SOX5: variants seen among roughly 807,000 people sequenced by gnomAD.
SOX5 encodes transcription factor SOX-5.
SOX5 carries 9 observed loss-of-function variants against 92.0 expected under a neutral mutation model. The ratio of observed to expected loss-of-function variants is 0.10; its 90% CI spans 0.06 to 0.17. The LOEUF (loss-of-function observed/expected upper bound fraction) is 0.17. Ranked by LOEUF, SOX5 falls within the 10% of genes least tolerant of loss-of-function variation. SOX5 has a pLI of 1.00. For missense variants in SOX5, 642 were observed against 944.5 expected (o/e 0.68, Z 4.20); for synonymous variants, 344 against 336.3 (o/e 1.02, Z -0.25).
chr12:24,006,564 C>G (rs1038588474), intron 4 of SOX5, among the ~76,000 whole-genome samples: 3 of 152,072 alleles, frequency 2.0e-5, no homozygotes, highest in Non-Finnish European at 4.4e-5. Flanking sequence ...TCCCTGTGTT[C>G]TGTGCCTGGA....
At chr12:24,430,564 T>C (rs1938104306) in intron 1 of SOX5, among the ~76,000 whole-genome samples, 1 of 152,108 alleles carries the variant, frequency 6.6e-6, no homozygotes, top group Non-Finnish European at 1.5e-5. Context: ...ATAAATGTAG[T>C]TATGATCTTT....
chr12:24,051,600 T>C (rs1818288364), intron 4 of SOX5, among the ~76,000 whole-genome samples: 1 of 152,010 alleles, frequency 6.6e-6, no homozygotes, highest in Admixed American at 6.6e-5. Context: ...ACAGAAAAAA[T>C]CCACAAGAAA....
chr12:23,623,892 T>TCATAA (rs2077461631), intron 8 of SOX5, among the ~76,000 whole-genome samples: 1 of 152,184 alleles, frequency 6.6e-6, no homozygotes, highest in Admixed American at 6.6e-5. Context: ...TATCCAATAT[T>TCATAA]CATAACAGCA....
chr12:24,025,502 A>T (rs938855253), intron 4 of SOX5, among the ~76,000 whole-genome samples: 1 of 152,032 alleles, frequency 6.6e-6, no homozygotes, highest in Non-Finnish European at 1.5e-5. Flanking sequence ...TTTCCCAAAG[A>T]AAATATTATT....
chr12:24,542,195 C>T (rs1330095479), intron 1 of SOX5, among the ~76,000 whole-genome samples: 2 of 152,184 alleles, frequency 1.3e-5, no homozygotes, highest in Non-Finnish European at 2.9e-5. Flanking sequence ...GTGCCCTGGC[C>T]ACACTGCTCT....
chr12:24,158,867 T>C (rs1177336783), intron 4 of SOX5, among the ~76,000 whole-genome samples: 4 of 151,914 alleles, frequency 2.6e-5, no homozygotes, highest in Non-Finnish European at 5.9e-5. Context: ...ACATACTTGG[T>C]TAACATTTGG....
intron 3 of SOX5, among the ~76,000 whole-genome samples, chr12:23,764,056 C>G (rs2094638270): frequency 6.6e-6 from 1 of 151,828 alleles, no homozygotes; most frequent in Admixed American, 6.6e-5. Flanking sequence ...CTATTAGTTA[C>G]AATGAGAAGG....
chr12:24,342,637 C>A (rs1156704435), intron 2 of SOX5, among the ~76,000 whole-genome samples: 1 of 152,154 alleles, frequency 6.6e-6, no homozygotes, highest in African/African-American at 2.4e-5. Context: ...ATCTATTCCT[C>A]CTGCCATTGC....
chr12:23,705,654 C>T (rs553052753), intron 6 of SOX5, among the ~76,000 whole-genome samples: 1 of 152,118 alleles, frequency 6.6e-6, no homozygotes, highest in South Asian at 2.1e-4. Context: ...TTGGGTGGTA[C>T]CCTTTACAAA....
At chr12:23,707,292 T>C (rs896568999) in intron 6 of SOX5, among the ~76,000 whole-genome samples, 4 of 152,132 alleles carry the variant, frequency 2.6e-5, no homozygotes, top group Admixed American at 6.6e-5. Flanking sequence ...CGTTAGCAGG[T>C]AGCAACATCA....
intron 11 of SOX5, among the ~76,000 whole-genome samples, chr12:23,552,398 G>GTTTAACTTA (rs1944374733): frequency 1.3e-5 from 2 of 151,608 alleles, no homozygotes; most frequent in Admixed American, 6.6e-5. Context: ...ATAATTGCTT[G>GTTTAACTTA]GACTTAACTT....
chr12:23,615,906 A>G (rs1057408352), intron 8 of SOX5, among the ~76,000 whole-genome samples: 2 of 152,220 alleles, frequency 1.3e-5, no homozygotes, highest in African/African-American at 2.4e-5. Flanking sequence ...GTCCAGTTTA[A>G]TAGTACTGTA....
In SOX5 at chr12:23,559,974, G is replaced by A. The variant is rs551559444; in HGVS notation, c.1488+3284C>T. Among the ~76,000 whole-genome samples, 7 of 152,200 alleles carry A rather than the reference G, an allele frequency of 4.6e-5. 1 individual carries two copies. In the East Asian group the frequency reaches 1.2e-3, roughly 25 times the overall value. ...CGCCCAGGCTGGAGTACAATGGCGT[G>A]ATCTCGGCTCACTGCAACCTCCGCC... On this transcript the variant is annotated intron_variant, in intron 11 of 14. Coordinates refer to ENST00000451604, the MANE Select transcript of SOX5 (RefSeq NM_006940.6).
rs35402540 is a variant in SOX5, at chr12:24,280,831, GTT to G, written c.-173-3521_-173-3520del. Among the ~76,000 whole-genome samples, 26 of 146,406 alleles carry G rather than the reference GTT, an allele frequency of 1.8e-4. No individual in the cohort carries two copies. In the South Asian group the frequency reaches 4.2e-3, roughly 23 times the overall value. On this transcript the variant is annotated intron_variant, in intron 2 of 4. Coordinates refer to the SOX5 transcript ENST00000446891. ...TTCTTATCATTTACAAAGTATTAAGGTTTTTTTTTTTAGCATAATACATTGGT... is the reference window on the plus strand; with the variant it reads ...TTCTTATCATTTACAAAGTATTAAGGTTTTTTTTTAGCATAATACATTGGT...
chr12:24,323,510 T>C (rs1315962687), intron 2 of SOX5, among the ~76,000 whole-genome samples: 3 of 151,992 alleles, frequency 2.0e-5, no homozygotes, highest in Admixed American at 1.3e-4. Flanking sequence ...TTTTTTATAA[T>C]GTATTAATCT....
At chr12:24,109,030 T>G (rs1947015964) in intron 4 of SOX5, among the ~76,000 whole-genome samples, 1 of 152,168 alleles carries the variant, frequency 6.6e-6, no homozygotes, top group Non-Finnish European at 1.5e-5. Flanking sequence ...ATTTCCAATG[T>G]TCTGAATAGT....
At chr12:24,056,641 T>G (rs1007504120) in intron 4 of SOX5, among the ~76,000 whole-genome samples, 4 of 152,078 alleles carry the variant, frequency 2.6e-5, no homozygotes, top group African/African-American at 7.2e-5. Flanking sequence ...CACAAACTTC[T>G]ATGGGCCTCT....
chr12:24,506,784 C>CTTTTTTTTTTTTTTTTTTTTTTTTTT lies in SOX5; in HGVS notation c.-251+55544_-251+55545insAAAAAAAAAAAAAAAAAAAAAAAAAA, dbSNP rs386375924. Reference sequence around the variant, plus strand: ...CTGTATTTCATGGTATCCAAATGGTCTTTTTTTTTTTTTTTTTTTTTTGGA... The same window carrying CTTTTTTTTTTTTTTTTTTTTTTTTTT: ...CTGTATTTCATGGTATCCAAATGGTCTTTTTTTTTTTTTTTTTTTTTTTTTTTTTTTTTTTTTTTTTTTTTTTTGGA... On this transcript the variant is annotated intron_variant, in intron 1 of 4. Coordinates refer to the SOX5 transcript ENST00000446891. Among the ~76,000 whole-genome samples the CTTTTTTTTTTTTTTTTTTTTTTTTTT allele has an allele frequency of 3.8e-4, 31 of 81,770 alleles. 1 individual carries two copies. Among genetic ancestry groups the CTTTTTTTTTTTTTTTTTTTTTTTTTT allele is most frequent in the East Asian group, 4.8e-4 (1 of 2,076 alleles). The allele number at this position is 81,770 out of a possible 152,430, so 53.6% of individuals were successfully genotyped here. A position where few individuals can be genotyped will look rare whatever the true frequency, so the allele number is the denominator to read the frequency against.
intron 4 of SOX5, among the ~76,000 whole-genome samples, chr12:24,147,848 G>A (rs1420805105): frequency 1.3e-5 from 2 of 152,132 alleles, no homozygotes; most frequent in African/African-American, 4.8e-5. Context: ...TCTAAAAAAT[G>A]TATAAGACCT....
Sources: allele counts gnomAD v4.1 joint callset (sites outside exome capture counted in the v4.1 genomes callset), GRCh38; gene constraint gnomAD v4.1.1; transcripts MANE v1.5; gene names NCBI Gene and HGNC (gene_info 2026-07-23, HGNC 2026-07-21).